Variants in TBC1D2 observed in about 807,000 individuals in gnomAD.
TBC1D2 encodes TBC1 domain family member 2, also known as TBC1 domain family member 2A.
TBC1D2 carries 58 observed loss-of-function variants against 91.1 expected under a neutral mutation model. That is an observed-to-expected ratio of 0.64 (90% CI 0.52 to 0.79). The LOEUF (loss-of-function observed/expected upper bound fraction) is 0.79. Ranked by LOEUF, TBC1D2 falls within the 30% of genes least tolerant of loss-of-function variation. The probability of loss-of-function intolerance (pLI) is 0.00; values close to 1 mark genes in which losing one functional copy is unlikely to be tolerated. For synonymous variants in TBC1D2, 482 were observed against 511.5 expected, an observed-to-expected ratio of 0.94 and a Z score of 0.78; for missense variants, 1,080 against 1,208.3, an observed-to-expected ratio of 0.89 and a Z score of 1.57.
chr9:98,215,430 TGAGGCCTCA>T (rs1172307255), intron 6 of TBC1D2, among the ~76,000 whole-genome samples: 3 of 152,224 alleles, frequency 2.0e-5, no homozygotes, highest in African/African-American at 4.8e-5. Flanking sequence ...ATGACACAGA[TGAGGCCTCA>T]GAGGCTCTGA....
Position 98,203,372 on chromosome 9 carries a change from C to G in TBC1D2, c.2187G>C (p.Glu729Asp), listed in dbSNP as rs777691393. ...CCACCAGGCACCAGAAGGCGCTCTC[C>G]TCCTCCTCTAGGACCAGCAGGGCAA... ...AAIALLVLEE[E>D]ESAFWCLVAI... Residue 729 changes from glutamate to aspartate, a missense_variant, in exon 10 of 13, where the codon GAG becomes GAC. Coordinates refer to ENST00000465784, the MANE Select transcript of TBC1D2 (RefSeq NM_001267571.2). 2 of 1,614,096 alleles carry G rather than the reference C, an allele frequency of 1.2e-6. No individual in the cohort carries two copies. The highest frequency in any genetic ancestry group is 1.1e-5 in the South Asian group (1 of 91,088).
At chr9:98,199,806 A>T (rs1191289283) in intron 12 of TBC1D2, among the ~76,000 whole-genome samples, 1 of 152,196 alleles carries the variant, frequency 6.6e-6, no homozygotes, top group African/African-American at 2.4e-5. Context: ...CCAGCAGGGA[A>T]GGGCTGGTCA....
At position 98,220,859 on chromosome 9, in the gene TBC1D2, G is replaced by A. The variant is rs773377538; in HGVS notation, c.1348C>T (p.Gln450Ter). The A allele has an allele frequency of 4.3e-6, 7 of 1,614,014 alleles. No individual in the cohort carries two copies. The Admixed American group carries it at 1.2e-4, about 27-fold the overall frequency. ...PDAANRDFLS[Q>*]QGKIEHLKDD... Reference sequence around the variant, plus strand: ...TTCAGGTGCTCTATCTTCCCCTGCTGGCTCAGGAAGTCCCTGTTGGCAGCG... The same window carrying A: ...TTCAGGTGCTCTATCTTCCCCTGCTAGCTCAGGAAGTCCCTGTTGGCAGCG... Residue 450 changes from glutamine (Q) to a stop codon, truncating the protein, a stop_gained, in exon 6 of 13, where the codon CAG (glutamine) becomes TAG (stop). Transcript: ENST00000465784. LOFTEE classifies it high-confidence loss of function.
chr9:98,245,195 G>T (rs565619691), intron 2 of TBC1D2, among the ~76,000 whole-genome samples: 1 of 152,088 alleles, frequency 6.6e-6, no homozygotes, highest in South Asian at 2.1e-4. Flanking sequence ...AGCCTAGATC[G>T]TGCCACTGCA....
At chr9:98,220,774 C>T in intron 6 of TBC1D2, 59 bp downstream of exon 6, 2 of 1,589,810 alleles carry the variant, frequency 1.3e-6, no homozygotes, top group South Asian at 1.1e-5. Flanking sequence ...AGCGCACCTT[C>T]CCTGAGGGCT....
At chr9:98,222,604 C>A (rs1198890763) in intron 5 of TBC1D2, among the ~76,000 whole-genome samples, 1 of 152,266 alleles carries the variant, frequency 6.6e-6, no homozygotes, top group Admixed American at 6.5e-5. Flanking sequence ...TCAGGCCTAT[C>A]TGTCCCAAAG....
At chr9:98,214,290 T>C (rs1296431398) in intron 6 of TBC1D2, among the ~76,000 whole-genome samples, 2 of 82,044 alleles carry the variant, frequency 2.4e-5, no homozygotes, top group Non-Finnish European at 4.7e-5. Context: ...ATGAAGAACA[T>C]CACATGTGCA....
Position 98,213,226 on chromosome 9 carries a change from A to G in TBC1D2, c.1375-8T>C. ...GTAAGCTTCCATGTCATCCTGGAGA[A>G]GAGAGTAAAATATGTTATCAGTTGG... is the stretch of plus-strand genomic sequence containing the variant. On this transcript the variant is annotated splice_polypyrimidine_tract_variant and splice_region_variant and intron_variant, in intron 6 of 12. Coordinates refer to ENST00000465784, the MANE Select transcript of TBC1D2 (RefSeq NM_001267571.2). The G allele has an allele frequency of 6.2e-7, 1 of 1,614,158 alleles. No homozygotes were observed. The highest frequency in any genetic ancestry group is 8.5e-7 in the Non-Finnish European group (1 of 1,180,012).
At position 98,201,599 on chromosome 9, in the gene TBC1D2, C is replaced by T. The variant is rs1738605920; in HGVS notation, c.2337G>A (p.Gly779=). 6.2e-7 allele frequency: 1 copy of T among 1,614,102 alleles called. No individual in the cohort carries two copies. Among genetic ancestry groups the T allele is most frequent in the African/African-American group, 1.3e-5 (1 of 75,054 alleles). The change falls in exon 11 of 13, where the codon GGG becomes GGA. Residue 779 remains glycine (G), a synonymous_variant. Coordinates refer to ENST00000465784, the MANE Select transcript of TBC1D2 (RefSeq NM_001267571.2). ...CGAGGGAGAGATCCACGTGGTGCTG[C>T]CCCAGATGGGCCATCAGCCTGGGCA... is the stretch of plus-strand genomic sequence containing the variant. The part of the protein sequence containing the change: ...EKLPRLMAHL[G]QHHVDLSLVT...
At chr9:98,236,503 A>T (rs992458212) in intron 3 of TBC1D2, among the ~76,000 whole-genome samples, 2 of 152,054 alleles carry the variant, frequency 1.3e-5, no homozygotes, top group African/African-American at 4.8e-5. Context: ...GATTACAGGC[A>T]TGAGCCACCG....
intron 3 of TBC1D2, chr9:98,235,263 T>C: frequency 3.0e-6 from 1 of 328,676 alleles, no homozygotes; most frequent in Non-Finnish European, 6.1e-6. Flanking sequence ...ATGTAGGAAC[T>C]ATATTGCTTA....
intron 3 of TBC1D2, among the ~76,000 whole-genome samples, chr9:98,241,986 C>T (rs754327563): frequency 2.6e-5 from 4 of 152,212 alleles, no homozygotes; most frequent in Non-Finnish European, 4.4e-5. Flanking sequence ...CTGGAAAGGA[C>T]GTCACCACCC....
chr9:98,231,101 A>G (rs1829356829), intron 4 of TBC1D2, among the ~76,000 whole-genome samples: 1 of 152,102 alleles, frequency 6.6e-6, no homozygotes, highest in African/African-American at 2.4e-5. Context: ...AACTCTGAGG[A>G]CAGGCAGGGC....
chr9:98,248,129 G>A (rs1016720672), intron 2 of TBC1D2, among the ~76,000 whole-genome samples: 5 of 152,204 alleles, frequency 3.3e-5, no homozygotes, highest in African/African-American at 9.6e-5. Context: ...ACTCAAACAC[G>A]TCCCTACTTT....
chr9:98,233,647 C>T, intron 3 of TBC1D2, 98 bp from the exon 4 acceptor site: 1 of 1,530,448 alleles, frequency 6.5e-7, no homozygotes, highest in Non-Finnish European at 8.8e-7. Flanking sequence ...GTCTCATCCC[C>T]ACACCCTGTC....
intron 2 of TBC1D2, among the ~76,000 whole-genome samples, chr9:98,251,170 A>AGCTGAGGCTGCCTCGGGAG (rs537131474): frequency 6.6e-6 from 1 of 152,058 alleles, no homozygotes; most frequent in East Asian, 1.9e-4. Flanking sequence ...CTGTAATCCC[A>AGCTGAGGCTGCCTCGGGAG]GCTGAGGCTG....
At chr9:98,225,863 T>A (rs1039775111) in intron 5 of TBC1D2, among the ~76,000 whole-genome samples, 5 of 152,252 alleles carry the variant, frequency 3.3e-5, no homozygotes, top group Admixed American at 1.3e-4. Context: ...TAGAAATTCC[T>A]AAAGAGTCAC....
At chr9:98,247,196 G>A (rs1449857948) in intron 2 of TBC1D2, among the ~76,000 whole-genome samples, 1 of 151,898 alleles carries the variant, frequency 6.6e-6, no homozygotes, top group East Asian at 1.9e-4. Flanking sequence ...GCGTGGTGAC[G>A]TGTGCCTGTA....
chr9:98,199,704 C>A (rs934488877), intron 12 of TBC1D2, 116 bp from the exon 13 acceptor site: 2 of 1,055,846 alleles, frequency 1.9e-6, no homozygotes, highest in Admixed American at 1.8e-5. Context: ...AGCCCTGACC[C>A]CTGCCCTCAG....
Sources: allele counts gnomAD v4.1 joint callset (sites outside exome capture counted in the v4.1 genomes callset), GRCh38; gene constraint gnomAD v4.1.1; transcripts MANE v1.5; gene names NCBI Gene and HGNC (gene_info 2026-07-23, HGNC 2026-07-21).